FAM227B: variants seen among roughly 807,000 people sequenced by gnomAD.
The protein encoded by FAM227B is protein FAM227B.
A neutral mutation model predicts 73.8 loss-of-function variants in FAM227B; 88 were observed. The ratio of observed to expected loss-of-function variants is 1.19; its 90% CI spans 1.00 to 1.42. The LOEUF is 1.42. Ranked by LOEUF, FAM227B falls within the 40% of genes most tolerant of loss-of-function variation. FAM227B has a pLI of 0.00. For missense variants in FAM227B, 632 were observed against 590.9 expected (o/e 1.07, Z -0.72); for synonymous variants, 210 against 190.5 (o/e 1.10, Z -0.84).
chr15:49,504,119 C>G (rs1461061210), intron 11 of FAM227B, among the ~76,000 whole-genome samples: 1 of 152,038 alleles, frequency 6.6e-6, no homozygotes, highest in Non-Finnish European at 1.5e-5. Flanking sequence ...AGTTCATGTC[C>G]TTTGTAGGGA....
At chr15:49,412,256 C>T (rs1468367886) in intron 11 of FAM227B, among the ~76,000 whole-genome samples, 1 of 151,840 alleles carries the variant, frequency 6.6e-6, no homozygotes, top group Non-Finnish European at 1.5e-5. Context: ...ATAATTTTTG[C>T]CAAATTAGCC....
chr15:49,499,171 A>C (rs1174948424), intron 11 of FAM227B, among the ~76,000 whole-genome samples: 2 of 149,164 alleles, frequency 1.3e-5, no homozygotes, highest in Non-Finnish European at 3.0e-5. Context: ...GTCTCAAAAA[A>C]AAAAAAAAAA....
rs182900615 is a variant in FAM227B at position 49,428,874 on chromosome 15, G to A, written c.1013-57475C>T. 1.6e-3 allele frequency among the ~76,000 whole-genome samples: 240 copies of A among 152,046 alleles called. 4 individuals carry two copies. The highest frequency in any genetic ancestry group is 8.1e-3 in the Admixed American group (124 of 15,244). On this transcript the variant is annotated intron_variant, in intron 11 of 15. Transcript: ENST00000299338. ...AATGATTTGGCAATATTCTCTTTTG[G>A]ACTGTTAGACTGTGATGGGATATGG...
chr15:49,516,963 G>T (rs2059419434), intron 10 of FAM227B, among the ~76,000 whole-genome samples: 1 of 152,102 alleles, frequency 6.6e-6, no homozygotes, highest in Non-Finnish European at 1.5e-5. Flanking sequence ...ATGGAAAAGG[G>T]CTATAAGGCA....
chr15:49,558,218 T>C (rs1448038648), intron 9 of FAM227B, among the ~76,000 whole-genome samples: 1 of 152,208 alleles, frequency 6.6e-6, no homozygotes, highest in African/African-American at 2.4e-5. Context: ...CTACCCACAC[T>C]GCTCCTTGCA....
At chr15:49,543,566 T>C (rs1386412529) in intron 9 of FAM227B, among the ~76,000 whole-genome samples, 3 of 152,192 alleles carry the variant, frequency 2.0e-5, no homozygotes, top group African/African-American at 4.8e-5. Flanking sequence ...TTTTTGGTCA[T>C]GAACTCTTTG....
At chr15:49,488,714 C>G (rs1597520139) in intron 11 of FAM227B, 1 of 151,978 alleles carries the variant, frequency 6.6e-6, no homozygotes, top group Non-Finnish European at 1.5e-5. Flanking sequence ...CTTGATGAAT[C>G]CTTCCATGTG....
intron 11 of FAM227B, among the ~76,000 whole-genome samples, chr15:49,467,589 T>A (rs923778545): frequency 6.6e-6 from 1 of 152,162 alleles, no homozygotes; most frequent in South Asian, 2.1e-4. Flanking sequence ...AAAAATCTGA[T>A]ACTTTCTCAC....
intron 11 of FAM227B, among the ~76,000 whole-genome samples, chr15:49,409,432 T>C (rs1261240721): frequency 6.6e-6 from 1 of 151,910 alleles, no homozygotes; most frequent in Non-Finnish European, 1.5e-5. Flanking sequence ...TCTTGTGCCT[T>C]GTTTCTTCAT....
chr15:49,366,501 T>A, intron 13 of FAM227B: 1 of 1,269,240 alleles, frequency 7.9e-7, no homozygotes, highest in East Asian at 2.3e-5. Flanking sequence ...ATCAAACTAA[T>A]GGAAGTTGCA....
intron 11 of FAM227B, among the ~76,000 whole-genome samples, chr15:49,436,941 A>AG (rs1399619266): frequency 6.6e-6 from 1 of 151,632 alleles, no homozygotes; most frequent in Non-Finnish European, 1.5e-5. Flanking sequence ...TTAAATAAAA[A>AG]CTTACTCCAA....
At chr15:49,331,003 C>A (rs943525777) in intron 15 of FAM227B, 10 of 152,188 alleles carry the variant, frequency 6.6e-5, no homozygotes, top group African/African-American at 2.2e-4. Context: ...GCTTATTATA[C>A]TGTCCTGTTT....
chr15:49,498,404 G>A (rs756821916), intron 11 of FAM227B, among the ~76,000 whole-genome samples: 7 of 152,148 alleles, frequency 4.6e-5, no homozygotes, highest in Non-Finnish European at 7.3e-5. Context: ...TAGAGCCTTA[G>A]CTCTCTTAAG....
chr15:49,538,736 G>T (rs1219905921), intron 10 of FAM227B, among the ~76,000 whole-genome samples: 1 of 151,846 alleles, frequency 6.6e-6, no homozygotes, highest in Non-Finnish European at 1.5e-5. Context: ...CAAGTCTGCT[G>T]TTGACACTGT....
Position 49,575,058 on chromosome 15 carries a change from C to T in FAM227B, c.598G>A (p.Ala200Thr). The T allele has an allele frequency of 6.2e-7, 1 of 1,600,598 alleles. No homozygotes were observed. The highest frequency in any genetic ancestry group is 2.3e-5 in the East Asian group (1 of 44,100). Residue 200 changes from alanine (A) to threonine (T), a missense_variant, in exon 8 of 16, where the codon GCT (alanine) becomes ACT (threonine). By Grantham distance (58) the Ala-to-Thr change is moderately conservative. Transcript: ENST00000299338. ...CACCAAAAGGAGTCATGCAAAAGAG[C>T]AATGGAGGCTTCTGAGAGAAAATGA... is the stretch of plus-strand genomic sequence containing the variant. Reference protein sequence around the residue: ...KTHFLSEASIALLHDSFWWWF... With the variant: ...KTHFLSEASITLLHDSFWWWF...
At chr15:49,549,901 C>T (rs1276274129) in intron 9 of FAM227B, among the ~76,000 whole-genome samples, 5 of 118,278 alleles carry the variant, frequency 4.2e-5, no homozygotes, top group Non-Finnish European at 8.2e-5. Context: ...GGTGGTTGGC[C>T]GGGCGGGGGG....
chr15:49,476,754 T>C (rs2055358195), intron 11 of FAM227B, among the ~76,000 whole-genome samples: 1 of 152,088 alleles, frequency 6.6e-6, no homozygotes, highest in African/African-American at 2.4e-5. Context: ...CACTTTTAGA[T>C]TTACAAAAAA....
intron 11 of FAM227B, among the ~76,000 whole-genome samples, chr15:49,498,219 G>A (rs928998926): frequency 5.3e-5 from 8 of 152,174 alleles, no homozygotes; most frequent in African/African-American, 1.7e-4. Context: ...TTCAGACTCT[G>A]TGGCCAAAAT....
At chr15:49,460,458 C>G (rs2053689848) in intron 11 of FAM227B, among the ~76,000 whole-genome samples, 2 of 152,146 alleles carry the variant, frequency 1.3e-5, no homozygotes, top group South Asian at 4.1e-4. Context: ...TGCATGTGCT[C>G]AAATTAGCTC....
Sources: allele counts gnomAD v4.1 joint callset (sites outside exome capture counted in the v4.1 genomes callset), GRCh38; gene constraint gnomAD v4.1.1; transcripts MANE v1.5; gene names NCBI Gene and HGNC (gene_info 2026-07-23, HGNC 2026-07-21).